Variants in MAP3K4 observed in about 807,000 individuals in gnomAD.
MAP3K4 encodes MAP three kinase 1.
In MAP3K4, 67 loss-of-function variants were observed where a neutral mutation model predicts 185.6. The ratio of observed to expected loss-of-function variants is 0.36; its 90% confidence interval spans 0.30 to 0.44. The LOEUF is 0.44. Ranked by LOEUF, MAP3K4 falls within the 20% of genes least tolerant of loss-of-function variation. MAP3K4 has a pLI of 1.00. For missense variants in MAP3K4, 1,551 were observed against 1,995.1 expected (o/e 0.78, Z 4.24); for synonymous variants, 702 against 710.4 (o/e 0.99, Z 0.19).
Position 161,110,388 on chromosome 6 carries a change from C to G in MAP3K4, c.4396+474C>G, listed in dbSNP as rs1175625590. On this transcript the variant is annotated intron_variant, in intron 23 of 26. Coordinates refer to ENST00000392142, the MANE Select transcript of MAP3K4 (RefSeq NM_005922.4). This position sits in a 1 kb window ranked among gnomAD's most constrained non-coding sequence, Gnocchi z 4.8. ...ACACAAACCTTGAAATTGAGTTCTG[C>G]TGAAGGTTATTTTGGCCATGCTGAT... Among the ~76,000 whole-genome samples, 1 of 152,124 alleles carries G rather than the reference C, an allele frequency of 6.6e-6. No individual in the cohort carries two copies. The highest frequency in any genetic ancestry group is 1.5e-5 in the Non-Finnish European group (1 of 68,026).
At position 161,076,987 on chromosome 6, in the gene MAP3K4, C is replaced by G. The variant is rs184694416; in HGVS notation, c.2097+3375C>G. On this transcript the variant is annotated intron_variant, in intron 5 of 26. Coordinates refer to ENST00000392142, the MANE Select transcript of MAP3K4 (RefSeq NM_005922.4). This position sits in a 1 kb window ranked among gnomAD's most constrained non-coding sequence, Gnocchi z 4.2. ...CAGGTCTTTTGTGGACTGGTTAATT[C>G]GATTCAACTTTTTGTGGAGGTCAGG... Among the ~76,000 whole-genome samples, 1 of 152,108 alleles carries G rather than the reference C, an allele frequency of 6.6e-6. No homozygotes were observed. Among genetic ancestry groups the G allele is most frequent in the East Asian group, 1.9e-4 (1 of 5,176 alleles).
At chr6:161,066,136 T>G (rs145115499) in intron 3 of MAP3K4, among the ~76,000 whole-genome samples, 4 of 152,248 alleles carry the variant, frequency 2.6e-5, no homozygotes, top group Non-Finnish European at 5.9e-5. Flanking sequence ...TTCCCTATCT[T>G]GTGATTTTTT....
intron 19 of MAP3K4, among the ~76,000 whole-genome samples, chr6:161,104,709 CAAAAAA>C (rs10688556): frequency 3.1e-4 from 38 of 121,630 alleles, no homozygotes; most frequent in African/African-American, 1.0e-3. Context: ...GACTCCATCT[CAAAAAA>C]AAAAAAAAAA....
At chr6:161,047,256 CAT>C (rs1280273119) in intron 2 of MAP3K4, among the ~76,000 whole-genome samples, 3 of 139,592 alleles carry the variant, frequency 2.1e-5, no homozygotes, top group East Asian at 4.4e-4. Flanking sequence ...GCTTAGGAAA[CAT>C]AGTGGGATCC....
At chr6:161,042,908 GCA>G (rs58595402) in intron 2 of MAP3K4, among the ~76,000 whole-genome samples, 8,080 of 149,358 alleles carry the variant, frequency 0.054, 336 homozygotes, top group East Asian at 0.22. Flanking sequence ...ATGAGAATTT[GCA>G]CACACACACA....
In MAP3K4 at chr6:161,034,472, G is replaced by A. The variant is rs1783070299; in HGVS notation, c.343+23G>A. 1.2e-6 allele frequency: 2 copies of A among 1,600,164 alleles called. No homozygotes were observed. The highest frequency in any genetic ancestry group is 2.2e-5 in the South Asian group (2 of 90,052). ...AAGGTGAGTCTTGTACTTGAAAAGA[G>A]GTGTACATGAGAGGGTATGGCACTT... On this transcript the variant is annotated intron_variant, in intron 2 of 26. Coordinates refer to ENST00000392142, the MANE Select transcript of MAP3K4 (RefSeq NM_005922.4). This position sits in a 1 kb window ranked among gnomAD's most constrained non-coding sequence, Gnocchi z 4.4.
At chr6:161,040,206 C>G (rs113149185) in intron 2 of MAP3K4, among the ~76,000 whole-genome samples, 45 of 152,194 alleles carry the variant, frequency 3.0e-4, no homozygotes, top group Admixed American at 1.3e-3. Flanking sequence ...TTATATTTAT[C>G]TTTACTAAGG....
At chr6:161,113,790 C>CTTTTTTTTTTTTT (rs963260228) in intron 25 of MAP3K4, among the ~76,000 whole-genome samples, 6 of 71,078 alleles carry the variant, frequency 8.4e-5, no homozygotes, top group East Asian at 4.9e-4. Context: ...ATATGAGTGA[C>CTTTTTTTTTTTTT]TTTTTTTTTT....
At chr6:161,105,025 A>G (rs1050091050) in intron 19 of MAP3K4, among the ~76,000 whole-genome samples, 1 of 152,222 alleles carries the variant, frequency 6.6e-6, no homozygotes, top group African/African-American at 2.4e-5. Flanking sequence ...TAATTAGGAT[A>G]TGGTATGAAA....
intron 1 of MAP3K4, among the ~76,000 whole-genome samples, chr6:161,016,448 C>G (rs1013785507): frequency 2.0e-5 from 3 of 152,090 alleles, no homozygotes; most frequent in Admixed American, 1.3e-4. Context: ...ATAGCTTTAC[C>G]CCAGTTTTCT....
In MAP3K4 at chr6:161,087,395, C is replaced by T. The variant is rs912712779; in HGVS notation, c.2557-293C>T. On this transcript the variant is annotated intron_variant, in intron 9 of 26. Transcript: ENST00000392142. The surrounding 1 kb of genome is among the most constrained non-coding windows in gnomAD (Gnocchi z 4.9). ...AGTGGTTGAGGTTCTTTCAGGCTGC[C>T]TTGCCTCCCCGTCGAGTATTTTCTT... 6.6e-6 allele frequency among the ~76,000 whole-genome samples: 1 copy of T among 152,168 alleles called. No homozygotes were observed. Among genetic ancestry groups the T allele is most frequent in the African/African-American group, 2.4e-5 (1 of 41,436 alleles).
chr6:161,006,042 T>A (rs1184180301), intron 1 of MAP3K4, among the ~76,000 whole-genome samples: 4 of 152,222 alleles, frequency 2.6e-5, no homozygotes, highest in African/African-American at 9.6e-5. Context: ...CACCTTGGCC[T>A]CCCAAAGTGC....
intron 1 of MAP3K4, among the ~76,000 whole-genome samples, chr6:161,011,998 C>G (rs1781864986): frequency 1.3e-5 from 2 of 152,152 alleles, no homozygotes; most frequent in African/African-American, 4.8e-5. Flanking sequence ...TGATTAGGCT[C>G]AGACAGCTTT....
chr6:161,012,243 A>C (rs1268322771), intron 1 of MAP3K4, among the ~76,000 whole-genome samples: 2 of 152,138 alleles, frequency 1.3e-5, no homozygotes, highest in Non-Finnish European at 2.9e-5. Context: ...GTTGTTGAAC[A>C]TTCTGTGTTC....
rs567341454 is a variant in MAP3K4, at chr6:161,043,022, A to G, written c.344-5594A>G. Among the ~76,000 whole-genome samples, 1 of 152,244 alleles carries G rather than the reference A, an allele frequency of 6.6e-6. No homozygotes were observed. Among genetic ancestry groups the G allele is most frequent in the South Asian group, 2.1e-4 (1 of 4,822 alleles). On this transcript the variant is annotated intron_variant, in intron 2 of 26. Coordinates refer to ENST00000392142, the MANE Select transcript of MAP3K4 (RefSeq NM_005922.4). The surrounding 1 kb of genome is among the most constrained non-coding windows in gnomAD (Gnocchi z 4.3). The stretch of plus-strand genomic sequence containing the variant: ...TATATATGTGTGTGTAAATGTGTGT[A>G]TCTGCTAACAGTAGTGAAATTAGAA...
chr6:161,058,052 C>T (rs57922639), intron 3 of MAP3K4, among the ~76,000 whole-genome samples: 5,822 of 152,280 alleles, frequency 0.038, 151 homozygotes, highest in South Asian at 0.073. Context: ...ACTGAACACT[C>T]GCTACATGCC....
chr6:160,993,164 TG>T (rs1156598058), intron 1 of MAP3K4, among the ~76,000 whole-genome samples: 1 of 152,208 alleles, frequency 6.6e-6, no homozygotes, highest in Non-Finnish European at 1.5e-5. Flanking sequence ...TTTTATAAGC[TG>T]TGAAGAAATT....
chr6:160,995,057 A>T (rs1780928725), intron 1 of MAP3K4, among the ~76,000 whole-genome samples: 1 of 152,182 alleles, frequency 6.6e-6, no homozygotes, highest in Non-Finnish European at 1.5e-5. Flanking sequence ...TTACATTCCC[A>T]CCAGCAGTGT....
At chr6:161,020,519 G>A (rs947539577) in intron 1 of MAP3K4, among the ~76,000 whole-genome samples, 2 of 152,028 alleles carry the variant, frequency 1.3e-5, no homozygotes, top group Admixed American at 1.3e-4. Context: ...TTAGCTGGGC[G>A]TGGTAGTGCG....
Sources: allele counts gnomAD v4.1 joint callset (sites outside exome capture counted in the v4.1 genomes callset), GRCh38; gene constraint gnomAD v4.1.1; non-coding constraint Gnocchi (gnomAD v3.1); transcripts MANE v1.5; gene names NCBI Gene and HGNC (gene_info 2026-07-23, HGNC 2026-07-21).